Variants in QSOX2 observed in about 807,000 individuals in gnomAD.
QSOX2 encodes the protein sulfhydryl oxidase 2.
A neutral mutation model predicts 61.7 loss-of-function variants in QSOX2; 46 were observed. The ratio of observed to expected loss-of-function variants is 0.75; its 90% confidence interval spans 0.59 to 0.95. QSOX2 has a LOEUF of 0.95. Among genes scored for constraint, QSOX2 ranks in the 40% least tolerant of loss-of-function variants. QSOX2 has a pLI of 0.00. For missense variants in QSOX2, 879 were observed against 918.9 expected, an observed-to-expected ratio of 0.96 and a Z score of 0.56; for synonymous variants, 383 against 388.4, an observed-to-expected ratio of 0.99 and a Z score of 0.16.
chr9:136,226,683 G>A (rs1179665528), intron 2 of QSOX2, 91 bp downstream of exon 2: 8 of 1,050,344 alleles, frequency 7.6e-6, no homozygotes, highest in African/African-American at 4.7e-5. Flanking sequence ...ATGATGTGGC[G>A]AATTTCAACA....
At chr9:136,242,238 A>T (rs142849165) in intron 1 of QSOX2, among the ~76,000 whole-genome samples, 25 of 152,392 alleles carry the variant, frequency 1.6e-4, no homozygotes, top group Non-Finnish European at 2.9e-4. Context: ...GCCAGTCAAG[A>T]GCTAAAGTTC....
In QSOX2 at chr9:136,222,063, CA is replaced by C; in HGVS notation, c.676-123del. The C allele has an allele frequency of 1.0e-6, 1 of 969,344 alleles. No individual in the cohort carries two copies. The highest frequency in any genetic ancestry group is 1.4e-6 in the Non-Finnish European group (1 of 694,588). The allele number at this position is 969,344 out of a possible 1,614,324, so 60.0% of individuals were successfully genotyped here. ...AAAGGGCATGAAGTCTGTCCCCCTG[CA>C]GGCAAGACCCTCACTCAAATCTTCA... On this transcript the variant is annotated intron_variant, in intron 5 of 11. Coordinates refer to ENST00000358701, the MANE Select transcript of QSOX2 (RefSeq NM_181701.4). The surrounding 1 kb of genome is among the most constrained non-coding windows in gnomAD (Gnocchi z 6.9).
intron 8 of QSOX2, among the ~76,000 whole-genome samples, chr9:136,217,367 G>T (rs1382259545): frequency 6.6e-6 from 1 of 152,188 alleles, no homozygotes; most frequent in Admixed American, 6.5e-5. Context: ...AACCCGAGCT[G>T]AAATCTCACG....
intron 10 of QSOX2, 123 bp from the exon 11 acceptor site, chr9:136,211,575 C>T: frequency 3.4e-6 from 3 of 893,214 alleles, no homozygotes; most frequent in East Asian, 5.3e-5. Flanking sequence ...CATGTCTCCC[C>T]AGGGGCCTCA....
chr9:136,245,061 G>C (rs1830459976), intron 1 of QSOX2, among the ~76,000 whole-genome samples: 1 of 152,186 alleles, frequency 6.6e-6, no homozygotes, highest in South Asian at 2.1e-4. Flanking sequence ...TGGGGATGGG[G>C]TGTGTGGACG....
intron 7 of QSOX2, 108 bp downstream of exon 7, chr9:136,218,922 G>A (rs745530657): frequency 2.0e-5 from 32 of 1,565,870 alleles, no homozygotes; most frequent in African/African-American, 6.8e-5. Context: ...GCTCCTGAGC[G>A]GCCCTCACTG....
chr9:136,225,057 C>T (rs1487842050), intron 2 of QSOX2, 148 bp from the exon 3 acceptor site: 8 of 576,774 alleles, frequency 1.4e-5, no homozygotes, highest in Non-Finnish European at 2.4e-5. Context: ...CCACACGCTT[C>T]TCCTTGTCTT....
chr9:136,227,671 C>T (rs955342883), intron 1 of QSOX2, among the ~76,000 whole-genome samples: 1 of 152,190 alleles, frequency 6.6e-6, no homozygotes, highest in Non-Finnish European at 1.5e-5. Context: ...CCAGGCTTTG[C>T]CTCTGAAAGA....
chr9:136,234,979 G>A (rs1454281295), intron 1 of QSOX2, among the ~76,000 whole-genome samples: 1 of 152,176 alleles, frequency 6.6e-6, no homozygotes, highest in Non-Finnish European at 1.5e-5. Flanking sequence ...CCATCCGAAT[G>A]CCACTTCATC....
chr9:136,234,265 A>T (rs76875679), intron 1 of QSOX2, among the ~76,000 whole-genome samples: 1,949 of 152,284 alleles, frequency 0.013, 52 homozygotes, highest in South Asian at 0.11. Context: ...GTGTCAATCG[A>T]CCGTTTGTCA....
chr9:136,212,654 C>T (rs1405958627), intron 10 of QSOX2, among the ~76,000 whole-genome samples: 7 of 152,172 alleles, frequency 4.6e-5, no homozygotes, highest in East Asian at 1.9e-4. Flanking sequence ...GCTCTCCTGC[C>T]GGGAGGGCTC....
Position 136,209,864 on chromosome 9 carries a change from T to C in QSOX2, c.1550-589A>G. The C allele has an allele frequency of 1.1e-5, 11 of 985,390 alleles. No individual in the cohort carries two copies. The highest frequency in any genetic ancestry group is 1.3e-5 in the Non-Finnish European group (11 of 829,924). The allele number at this position is 985,390 out of a possible 1,614,324, so 61.0% of individuals were successfully genotyped here. On this transcript the variant is annotated intron_variant, in intron 11 of 11. Coordinates refer to ENST00000358701, the MANE Select transcript of QSOX2 (RefSeq NM_181701.4). This position sits in a 1 kb window ranked among gnomAD's most constrained non-coding sequence, Gnocchi z 5.6. Reference sequence around the variant, plus strand: ...TCCCTTCAAGATCTCCAAAACTCGTTTCTGAAGTGACATGTGCTCACTTCC... The same window carrying C: ...TCCCTTCAAGATCTCCAAAACTCGTCTCTGAAGTGACATGTGCTCACTTCC...
chr9:136,220,864 C>T (rs1367345321), intron 6 of QSOX2, among the ~76,000 whole-genome samples: 2 of 152,302 alleles, frequency 1.3e-5, no homozygotes, highest in East Asian at 3.9e-4. Context: ...TGGCACACCA[C>T]CAGACCTGGC....
intron 1 of QSOX2, among the ~76,000 whole-genome samples, chr9:136,231,868 G>A (rs1830333371): frequency 6.6e-6 from 1 of 151,206 alleles, no homozygotes; most frequent in South Asian, 2.1e-4. Flanking sequence ...CTCAGGGCCG[G>A]CAATCCGCCC....
Position 136,245,459 on chromosome 9 carries a change from G to A in QSOX2, c.328+17C>T. The A allele has an allele frequency of 6.3e-7, 1 of 1,577,394 alleles. No individual in the cohort carries two copies. The highest frequency in any genetic ancestry group is 1.7e-5 in the Admixed American group (1 of 57,952). ...GTCCCGGGGGTCGGGGGGTCCCCGC[G>A]CGGGGGCGCGCCTCACCTCGCACAT... On this transcript the variant is annotated intron_variant, in intron 1 of 11. Transcript: ENST00000358701.
chr9:136,226,168 T>TG (rs1362821893), intron 2 of QSOX2, among the ~76,000 whole-genome samples: 3 of 152,110 alleles, frequency 2.0e-5, no homozygotes, highest in Non-Finnish European at 4.4e-5. Flanking sequence ...TCCCAGGAAG[T>TG]GGGCCCAAGG....
intron 1 of QSOX2, among the ~76,000 whole-genome samples, chr9:136,230,543 G>C (rs1362224064): frequency 6.6e-6 from 1 of 152,160 alleles, no homozygotes; most frequent in Admixed American, 6.5e-5. Flanking sequence ...AAACACATGA[G>C]CCTCAGTACT....
chr9:136,213,265 T>TTG (rs71384067), intron 10 of QSOX2, among the ~76,000 whole-genome samples: 2 of 101,230 alleles, frequency 2.0e-5, no homozygotes, highest in African/African-American at 7.2e-5. Flanking sequence ...TTTTTTTTTT[T>TTG]GAGACAGTCT....
intron 1 of QSOX2, among the ~76,000 whole-genome samples, chr9:136,244,824 A>G (rs1317909484): frequency 6.6e-6 from 1 of 152,232 alleles, no homozygotes; most frequent in Non-Finnish European, 1.5e-5. Context: ...GAGCCCACCA[A>G]TGAAATTCTT....
Sources: gnomAD v4.1 joint callset for allele counts (sites outside exome capture counted in the v4.1 genomes callset) on GRCh38, gnomAD v4.1.1 for gene constraint, Gnocchi (gnomAD v3.1) non-coding constraint, MANE v1.5 for transcripts, NCBI Gene and HGNC (gene_info 2026-07-23, HGNC 2026-07-21) for gene names.